Variants in MAMLD1 observed in about 807,000 individuals in gnomAD.
MAMLD1 encodes the protein mastermind-like domain-containing protein 1.
MAMLD1 carries 14 observed loss-of-function variants against 45.0 expected under a neutral mutation model. That is an observed-to-expected ratio of 0.31 (90% CI 0.21 to 0.49). The LOEUF (loss-of-function observed/expected upper bound fraction) is 0.49. MAMLD1 is among the 20% of genes least tolerant of loss of function. The pLI is 0.99. For synonymous variants in MAMLD1, 254 were observed against 247.8 expected, an observed-to-expected ratio of 1.02 and a Z score of -0.24; for missense variants, 543 against 603.6, an observed-to-expected ratio of 0.90 and a Z score of 1.05.
chrX:150,426,179 C>A (rs1322087041), intron 1 of MAMLD1, among the ~76,000 whole-genome samples: 1 of 111,706 alleles, frequency 9.0e-6, no homozygotes, highest in African/African-American at 3.3e-5. Context: ...AGGCATCCTA[C>A]TTTATTCATG....
Position 150,426,187 on chromosome X carries a change from A to G in MAMLD1, c.-63-19267A>G, listed in dbSNP as rs782535900. 6.3e-5 allele frequency among the ~76,000 whole-genome samples: 7 copies of G among 111,578 alleles called. No individual in the cohort carries two copies. The East Asian group carries it at 1.7e-3, about 27-fold the overall frequency. On this transcript the variant is annotated intron_variant, in intron 1 of 7. Transcript: ENST00000370401. Reference sequence around the variant, plus strand: ...TGGATCAAGGCATCCTACTTTATTCATGTCCTAGCATAACACTAAGATTGT... The same window carrying G: ...TGGATCAAGGCATCCTACTTTATTCGTGTCCTAGCATAACACTAAGATTGT...
chrX:150,400,752 G>T (rs1557402402), intron 1 of MAMLD1, among the ~76,000 whole-genome samples: 2 of 110,326 alleles, frequency 1.8e-5, no homozygotes, highest in South Asian at 7.8e-4. Flanking sequence ...TTATATGCTG[G>T]ATTACGTTTA....
At chrX:150,449,053 C>T (rs1223146226) in intron 2 of MAMLD1, among the ~76,000 whole-genome samples, 3 of 111,620 alleles carry the variant, frequency 2.7e-5, no homozygotes. Context: ...TATTAAGAAG[C>T]GACTCACTCT....
At chrX:150,385,534 G>A (rs1022465111) in intron 1 of MAMLD1, among the ~76,000 whole-genome samples, 6 of 111,964 alleles carry the variant, frequency 5.4e-5, no homozygotes, top group Non-Finnish European at 9.4e-5. Context: ...AGGTTATTAA[G>A]TAAATCATAT....
At chrX:150,423,449 C>CG (rs2034596278) in intron 1 of MAMLD1, among the ~76,000 whole-genome samples, 1 of 8,294 alleles carries the variant, frequency 1.2e-4, no homozygotes, top group Admixed American at 3.5e-3. Context: ...CCAGCTGCTG[C>CG]CCGTTTCCTT....
intron 5 of MAMLD1, among the ~76,000 whole-genome samples, chrX:150,481,596 G>A (rs1299470953): frequency 1.8e-5 from 2 of 111,380 alleles, no homozygotes; most frequent in Non-Finnish European, 3.8e-5. Flanking sequence ...TTGAGAAGCC[G>A]AGGTGGGAGG....
chrX:150,377,606 T>G (rs2032386438), intron 1 of MAMLD1, among the ~76,000 whole-genome samples: 1 of 111,466 alleles, frequency 9.0e-6, no homozygotes, highest in Non-Finnish European at 1.9e-5. Context: ...TCTAATGGTT[T>G]CCCCTCAGGC....
chrX:150,464,298 C>T (rs1211978476), intron 3 of MAMLD1, among the ~76,000 whole-genome samples: 1 of 111,736 alleles, frequency 8.9e-6, no homozygotes, highest in Non-Finnish European at 1.9e-5. Context: ...GAGGTTCTTG[C>T]TCCAAACCAC....
intron 1 of MAMLD1, among the ~76,000 whole-genome samples, chrX:150,396,865 T>C (rs782744008): frequency 8.9e-6 from 1 of 112,347 alleles, no homozygotes; most frequent in African/African-American, 3.2e-5. Flanking sequence ...CTCATTGCTA[T>C]GTTATTTCCC....
At chrX:150,403,291 G>T (rs1557402547) in intron 1 of MAMLD1, among the ~76,000 whole-genome samples, 1 of 111,407 alleles carries the variant, frequency 9.0e-6, no homozygotes, top group Non-Finnish European at 1.9e-5. Context: ...TAGTTGCCAG[G>T]GACTGAGGTG....
chrX:150,386,176 A>G (rs2032920210), intron 1 of MAMLD1, among the ~76,000 whole-genome samples: 2 of 110,834 alleles, frequency 1.8e-5, no homozygotes, highest in East Asian at 5.7e-4. Flanking sequence ...CTGTAAAGTC[A>G]TGCACAACAT....
intron 1 of MAMLD1, among the ~76,000 whole-genome samples, chrX:150,366,172 C>T (rs1291901093): frequency 8.9e-6 from 1 of 112,113 alleles, no homozygotes; most frequent in Non-Finnish European, 1.9e-5. Context: ...CTGGCCGCCT[C>T]CGCCCCTCCT....
chrX:150,404,051 A>AAAGGAAGGAAGG (rs1557402599), intron 1 of MAMLD1, among the ~76,000 whole-genome samples: 10,507 of 87,379 alleles, frequency 0.12, 1,501 homozygotes, highest in African/African-American at 0.36. Flanking sequence ...GGAAGGAAGG[A>AAAGGAAGGAAGG]AAGGAAGGAA....
At chrX:150,459,888 C>G (rs2035982855) in intron 2 of MAMLD1, among the ~76,000 whole-genome samples, 1 of 110,284 alleles carries the variant, frequency 9.1e-6, no homozygotes, top group Non-Finnish European at 1.9e-5. Flanking sequence ...GCAGGCAAGA[C>G]TCTTTAATCT....
chrX:150,492,776 CTCATACTCTCTG>C (rs1295073995), intron 5 of MAMLD1, among the ~76,000 whole-genome samples: 3 of 112,386 alleles, frequency 2.7e-5, no homozygotes, highest in Non-Finnish European at 5.6e-5. Context: ...CTTGCTGACT[CTCATACTCTCTG>C]TCTTTAACTC....
intron 1 of MAMLD1, among the ~76,000 whole-genome samples, chrX:150,423,364 GTGTGTGTGTGTGTGTGTGTGTT>G (rs2034585977): frequency 9.4e-6 from 1 of 106,398 alleles, no homozygotes; most frequent in East Asian, 3.0e-4. Context: ...GTGTGTGTGT[GTGTGTGTGTGTGTGTGTGTGTT>G]TGCACCTTTG....
chrX:150,366,206 C>T (rs1366214894), intron 1 of MAMLD1, among the ~76,000 whole-genome samples: 2 of 112,108 alleles, frequency 1.8e-5, no homozygotes, highest in Non-Finnish European at 3.8e-5. Flanking sequence ...CTGATGTCGA[C>T]GTTTTATTTG....
At chrX:150,377,997 T>C (rs947977183) in intron 1 of MAMLD1, among the ~76,000 whole-genome samples, 1 of 112,219 alleles carries the variant, frequency 8.9e-6, no homozygotes, top group Non-Finnish European at 1.9e-5. Context: ...AAGCTAATAG[T>C]GGTACTAATC....
intron 1 of MAMLD1, among the ~76,000 whole-genome samples, chrX:150,366,241 A>G (rs1557400725): frequency 9.2e-6 from 1 of 109,109 alleles, no homozygotes; most frequent in African/African-American, 3.4e-5. Context: ...TCTTTCTCCT[A>G]CTCCCCTCCC....
Sources: allele counts gnomAD v4.1 joint callset (sites outside exome capture counted in the v4.1 genomes callset), GRCh38; gene constraint gnomAD v4.1.1; transcripts MANE v1.5; gene names NCBI Gene and HGNC (gene_info 2026-07-23, HGNC 2026-07-21).